The following PDE7A variants were observed in gnomAD, a reference collection of about 807,000 sequenced individuals.
The protein encoded by PDE7A is phosphodiesterase 7A.
A neutral mutation model predicts 64.3 loss-of-function variants in PDE7A; 39 were observed. That is an observed-to-expected ratio of 0.61 (90% CI 0.47 to 0.79). The LOEUF (loss-of-function observed/expected upper bound fraction) is 0.79. Ranked by LOEUF, PDE7A falls within the 30% of genes least tolerant of loss-of-function variation. The pLI is 0.00. For synonymous variants in PDE7A, 203 were observed against 206.8 expected (o/e 0.98, Z 0.16); for missense variants, 470 against 582.8 (o/e 0.81, Z 1.99).
chr8:65,809,941 A>C (rs1453226389), intron 1 of PDE7A, among the ~76,000 whole-genome samples: 3 of 152,196 alleles, frequency 2.0e-5, no homozygotes, highest in African/African-American at 7.2e-5. Context: ...CAGTGTGGCG[A>C]TTCCTCAAGG....
chr8:65,754,611 C>T (rs567020981), intron 3 of PDE7A, among the ~76,000 whole-genome samples: 1 of 149,936 alleles, frequency 6.7e-6, no homozygotes, highest in African/African-American at 2.4e-5. Flanking sequence ...GCTGGGATTA[C>T]AGGCTGAGCC....
chr8:65,760,113 G>A (rs557329879), intron 3 of PDE7A, among the ~76,000 whole-genome samples: 59 of 152,160 alleles, frequency 3.9e-4, no homozygotes, highest in Admixed American at 9.2e-4. Context: ...GGTGGTGGTC[G>A]CCTGTAATAC....
intron 4 of PDE7A, among the ~76,000 whole-genome samples, chr8:65,746,808 ATTTCT>A (rs1400908938): frequency 6.6e-6 from 1 of 152,144 alleles, no homozygotes; most frequent in African/African-American, 2.4e-5. Flanking sequence ...CTTTCCACTG[ATTTCT>A]TTTACTAAAC....
At chr8:65,721,240 T>G (rs748082221) in intron 12 of PDE7A, among the ~76,000 whole-genome samples, 4 of 152,200 alleles carry the variant, frequency 2.6e-5, no homozygotes, top group Admixed American at 6.5e-5. Flanking sequence ...CAGGACGCCT[T>G]GTCAAATGCC....
chr8:65,716,433 C>A lies in PDE7A; in HGVS notation c.*2857G>T, dbSNP rs1325967861. ...ATTTAATGCATGTGCCAATCAGAAG[C>A]TGATGTAGAGAAGCAACTACTGGCA... is the stretch of plus-strand genomic sequence containing the variant. On this transcript the variant is annotated 3_prime_UTR_variant, in exon 13 of 13. Coordinates refer to ENST00000401827, the MANE Select transcript of PDE7A (RefSeq NM_001242318.3). Among the ~76,000 whole-genome samples, 1 of 152,084 alleles carries A rather than the reference C, an allele frequency of 6.6e-6. No individual in the cohort carries two copies. Among genetic ancestry groups the A allele is most frequent in the Non-Finnish European group, 1.5e-5 (1 of 68,018 alleles).
At chr8:65,758,595 C>T (rs939221504) in intron 3 of PDE7A, among the ~76,000 whole-genome samples, 1 of 152,158 alleles carries the variant, frequency 6.6e-6, no homozygotes, top group African/African-American at 2.4e-5. Flanking sequence ...GTAAGCCAGC[C>T]CTTTGTGCTT....
intron 1 of PDE7A, among the ~76,000 whole-genome samples, chr8:65,792,017 A>G (rs905544447): frequency 3.9e-5 from 6 of 152,186 alleles, no homozygotes; most frequent in Non-Finnish European, 8.8e-5. Context: ...CTCTTTTACC[A>G]TAAATATTAT....
At chr8:65,790,592 T>C (rs777807170) in intron 1 of PDE7A, among the ~76,000 whole-genome samples, 14 of 152,224 alleles carry the variant, frequency 9.2e-5, no homozygotes, top group Non-Finnish European at 1.9e-4. Flanking sequence ...AAAAGAGAAG[T>C]CAGTTCTAGG....
chr8:65,761,701 CG>C (rs755169314), intron 3 of PDE7A, among the ~76,000 whole-genome samples: 7 of 152,214 alleles, frequency 4.6e-5, no homozygotes, highest in Non-Finnish European at 8.8e-5. Context: ...TTAGTGATCA[CG>C]GGTATTACTT....
intron 6 of PDE7A, among the ~76,000 whole-genome samples, chr8:65,735,799 T>C (rs1807105900): frequency 6.6e-6 from 1 of 152,176 alleles, no homozygotes; most frequent in South Asian, 2.1e-4. Flanking sequence ...CTAATTTTTG[T>C]ATTTTTGTCA....
chr8:65,748,787 G>A (rs1159704755), intron 3 of PDE7A, among the ~76,000 whole-genome samples: 1 of 152,116 alleles, frequency 6.6e-6, no homozygotes, highest in Non-Finnish European at 1.5e-5. Context: ...CTAATTTAAG[G>A]GGTGCTGGAT....
chr8:65,816,678 G>A (rs540654017), intron 1 of PDE7A, among the ~76,000 whole-genome samples: 5 of 152,126 alleles, frequency 3.3e-5, no homozygotes, highest in Non-Finnish European at 7.4e-5. Context: ...CCACTGCCTT[G>A]GGCCTCCACC....
chr8:65,812,880 G>T (rs1275208504), intron 1 of PDE7A, among the ~76,000 whole-genome samples: 1 of 152,134 alleles, frequency 6.6e-6, no homozygotes. Flanking sequence ...TAAGGGTATG[G>T]AGATAACGAG....
chr8:65,793,289 T>A (rs1220184022), intron 1 of PDE7A, among the ~76,000 whole-genome samples: 2 of 152,124 alleles, frequency 1.3e-5, no homozygotes, highest in Non-Finnish European at 2.9e-5. Context: ...TTTACTGGCA[T>A]GTAGATCAGA....
At chr8:65,755,843 G>C (rs1187526944) in intron 3 of PDE7A, among the ~76,000 whole-genome samples, 1 of 152,146 alleles carries the variant, frequency 6.6e-6, no homozygotes, top group African/African-American at 2.4e-5. Context: ...GGCTGGCCTT[G>C]AACTCCTGAG....
chr8:65,727,000 A>T, intron 8 of PDE7A, 34 bp from the exon 9 acceptor site: 1 of 1,212,996 alleles, frequency 8.2e-7, no homozygotes, highest in Non-Finnish European at 1.2e-6. Context: ...TTACTTAATG[A>T]TACGTCTCTT....
At chr8:65,757,426 T>C (rs910531351) in intron 3 of PDE7A, among the ~76,000 whole-genome samples, 8 of 152,288 alleles carry the variant, frequency 5.3e-5, no homozygotes, top group African/African-American at 1.7e-4. Flanking sequence ...ACTAGTCCAG[T>C]CCATCATAGT....
intron 1 of PDE7A, among the ~76,000 whole-genome samples, chr8:65,809,829 T>A (rs1031688444): frequency 2.6e-5 from 4 of 152,146 alleles, no homozygotes; most frequent in African/African-American, 9.7e-5. Context: ...ATGGTGATCA[T>A]TAAAAAGTCA....
intron 3 of PDE7A, among the ~76,000 whole-genome samples, chr8:65,756,436 T>TTC (rs755225437): frequency 1.3e-5 from 2 of 152,278 alleles, no homozygotes; most frequent in East Asian, 1.9e-4. Flanking sequence ...TCTCTTTTTT[T>TTC]TCTCTCTCTC....
Sources: gnomAD v4.1 joint callset for allele counts (sites outside exome capture counted in the v4.1 genomes callset) on GRCh38, gnomAD v4.1.1 for gene constraint, MANE v1.5 for transcripts, NCBI Gene and HGNC (gene_info 2026-07-23, HGNC 2026-07-21) for gene names.